The following SUV39H2 variants were observed in gnomAD, a reference collection of about 807,000 sequenced individuals.
SUV39H2 encodes histone-lysine N-methyltransferase SUV39H2.
In SUV39H2, 10 loss-of-function variants were observed where a neutral mutation model predicts 47.5. That is an observed-to-expected ratio of 0.21 (90% CI 0.13 to 0.36). The LOEUF is 0.36. Among genes scored for constraint, SUV39H2 ranks in the 10% least tolerant of loss-of-function variants. The pLI, the probability that SUV39H2 is intolerant of heterozygous loss-of-function variation, is 1.00. For missense variants in SUV39H2, 266 were observed against 487.4 expected (o/e 0.55, Z 4.28); for synonymous variants, 159 against 166.8 (o/e 0.95, Z 0.36).
rs1470231167 is a variant in SUV39H2, at chr10:14,901,158, A to T, written c.1022A>T (p.Asn341Ile). Residue 341 changes from asparagine to isoleucine, a missense_variant, in exon 5 of 6, where the codon AAT becomes ATT. Asn to Ile is a moderately radical substitution (Grantham distance 149). Transcript: ENST00000354919. Reference protein sequence around the residue: ...HSCDPNLQVFNVFIDNLDTRL... With the variant: ...HSCDPNLQVFIVFIDNLDTRL... The stretch of plus-strand genomic sequence containing the variant: ...TGTGACCCAAATCTTCAGGTGTTCA[A>T]TGTTTTCATTGATAACCTCGATACT... 1 of 1,613,830 alleles carries T rather than the reference A, an allele frequency of 6.2e-7. No homozygotes were observed. The highest frequency in any genetic ancestry group is 1.3e-5 in the African/African-American group (1 of 74,914).
chr10:14,902,295 A>AC (rs1815416077), intron 5 of SUV39H2, 111 bp from the exon 6 acceptor site: 11 of 595,854 alleles, frequency 1.8e-5, no homozygotes, highest in East Asian at 1.5e-4. Flanking sequence ...GGTCTTGACC[A>AC]TGTAAGTACC....
intron 2 of SUV39H2, among the ~76,000 whole-genome samples, chr10:14,883,335 C>T (rs1232936850): frequency 1.3e-5 from 2 of 152,156 alleles, no homozygotes; most frequent in Admixed American, 1.3e-4. Flanking sequence ...CTGCATGTCC[C>T]ATTAATTTTT....
At chr10:14,892,711 T>C (rs1188275262) in intron 2 of SUV39H2, among the ~76,000 whole-genome samples, 2 of 152,184 alleles carry the variant, frequency 1.3e-5, no homozygotes, top group African/African-American at 4.8e-5. Flanking sequence ...AGGCTAGTAA[T>C]ATATTTCCCT....
In SUV39H2 at chr10:14,901,088, G is replaced by A. The variant is rs979665283; in HGVS notation, c.997-45G>A. On this transcript the variant is annotated intron_variant, in intron 4 of 5. Coordinates refer to ENST00000354919, the MANE Select transcript of SUV39H2 (RefSeq NM_001193424.2). ...TTTTATATGGCATGTAGAAGGGCTT[G>A]TTTACACCGTTTGTACTTAAATGGG... 9.3e-6 allele frequency: 15 copies of A among 1,605,784 alleles called. No individual in the cohort carries two copies. The African/African-American group carries it at 1.2e-4, about 13-fold the overall frequency.
chr10:14,882,896 T>A (rs1323170271), intron 2 of SUV39H2, among the ~76,000 whole-genome samples: 1 of 149,954 alleles, frequency 6.7e-6, no homozygotes, highest in Non-Finnish European at 1.5e-5. Context: ...GCCCAGAGTC[T>A]CGCTCTTGTC....
intron 2 of SUV39H2, among the ~76,000 whole-genome samples, chr10:14,893,388 G>A (rs946005731): frequency 6.6e-6 from 1 of 152,054 alleles, no homozygotes; most frequent in African/African-American, 2.4e-5. Context: ...CGCCTTGGCC[G>A]GGAAGTGGCT....
intron 2 of SUV39H2, among the ~76,000 whole-genome samples, chr10:14,889,890 C>T (rs910549464): frequency 1.3e-5 from 2 of 152,086 alleles, no homozygotes; most frequent in African/African-American, 2.4e-5. Context: ...CTACATCACC[C>T]CTTCATACAG....
intron 3 of SUV39H2, 132 bp from the exon 4 acceptor site, chr10:14,899,407 A>G (rs1328215825): frequency 1.1e-6 from 1 of 927,778 alleles, no homozygotes; most frequent in Non-Finnish European, 1.6e-6. Context: ...GTTTGTGTGA[A>G]TGTTTGCTTT....
intron 2 of SUV39H2, among the ~76,000 whole-genome samples, chr10:14,886,561 G>T (rs2131677430): frequency 6.6e-6 from 1 of 152,168 alleles, no homozygotes; most frequent in East Asian, 1.9e-4. Context: ...ATGTTTCTAG[G>T]GCCTACATTC....
At chr10:14,893,667 T>C (rs1025859343) in intron 2 of SUV39H2, among the ~76,000 whole-genome samples, 2 of 152,222 alleles carry the variant, frequency 1.3e-5, no homozygotes, top group Non-Finnish European at 2.9e-5. Context: ...AAAAGTCAAG[T>C]CTACCAAGTT....
At chr10:14,902,323 A>C in intron 5 of SUV39H2, 83 bp from the exon 6 acceptor site, 2 of 903,202 alleles carry the variant, frequency 2.2e-6, no homozygotes, top group Non-Finnish European at 3.3e-6. Flanking sequence ...ACTGATAATA[A>C]AGCTAATATA....
Position 14,897,032 on chromosome 10 carries a change from G to A in SUV39H2, c.364G>A (p.Ala122Thr). 6.2e-7 allele frequency: 1 copy of A among 1,614,036 alleles called. No individual in the cohort carries two copies. Among genetic ancestry groups the A allele is most frequent in the Non-Finnish European group, 8.5e-7 (1 of 1,180,008 alleles). Residue 122 changes from alanine (A) to threonine (T), a missense_variant, in exon 3 of 6, where the codon GCC (alanine) becomes ACC (threonine). Around this residue, in one of 4 missense-constraint regions of SUV39H2, gnomAD observed 91 missense variants for 110.9 expected, o/e 0.82. Coordinates refer to ENST00000354919, the MANE Select transcript of SUV39H2 (RefSeq NM_001193424.2). ...AGACAATAACAAAACTTTGAAACCT[G>A]CCATTGCTGAGTACATTGTGAAGAA... ...PKDNNKTLKP[A>T]IAEYIVKKAK...
rs2131730720 is a variant in SUV39H2 at position 14,903,100 on chromosome 10, A to C, written c.*588A>C. On this transcript the variant is annotated 3_prime_UTR_variant, in exon 6 of 6. Transcript: ENST00000354919. ...AAATGTAAAAATTAATTTCAGCTTC[A>C]TTTCGTATTTCGAAGCAATCTAGAC... 6.6e-6 allele frequency: 1 copy of C among 152,372 alleles called. No individual in the cohort carries two copies. The highest frequency in any genetic ancestry group is 6.5e-5 in the Admixed American group (1 of 15,308). 9.4% of individuals were successfully genotyped at this position (152,372 alleles called of 1,614,324 possible). A position where few individuals can be genotyped will look rare whatever the true frequency, so the allele number is the denominator to read the frequency against.
intron 5 of SUV39H2, 51 bp from the exon 6 acceptor site, chr10:14,902,355 C>A: frequency 1.5e-6 from 2 of 1,294,632 alleles, no homozygotes; most frequent in South Asian, 1.4e-5. Context: ...GAAATTTATT[C>A]TAAATTGTCT....
At chr10:14,899,043 A>T in intron 3 of SUV39H2, 1 of 583,758 alleles carries the variant, frequency 1.7e-6, no homozygotes, top group South Asian at 2.2e-5. Context: ...TTAAAAAGTC[A>T]TAAATCAACC....
chr10:14,891,082 A>C (rs1476922740), intron 2 of SUV39H2, among the ~76,000 whole-genome samples: 1 of 152,242 alleles, frequency 6.6e-6, no homozygotes, highest in Non-Finnish European at 1.5e-5. Context: ...AATTGGAACA[A>C]AAAGGAGTTG....
At chr10:14,888,931 C>T (rs903910529) in intron 2 of SUV39H2, among the ~76,000 whole-genome samples, 1 of 152,226 alleles carries the variant, frequency 6.6e-6, no homozygotes, top group Admixed American at 6.5e-5. Flanking sequence ...TGGAGAAACC[C>T]TGTCTCTACT....
chr10:14,901,035 TTAAAC>T, intron 4 of SUV39H2, 93 bp from the exon 5 acceptor site: 1 of 1,484,538 alleles, frequency 6.7e-7, no homozygotes, highest in Non-Finnish European at 9.1e-7. Flanking sequence ...CCAGTGGAAC[TTAAAC>T]TAAATCTCTA....
intron 3 of SUV39H2, chr10:14,899,013 A>G (rs1833800517): frequency 5.4e-6 from 3 of 556,102 alleles, no homozygotes; most frequent in South Asian, 5.2e-5. Flanking sequence ...CAGTGTTCCA[A>G]TGTACTGCTC....
Sources: gnomAD v4.1 joint callset for allele counts (sites outside exome capture counted in the v4.1 genomes callset) on GRCh38, gnomAD v4.1.1 for gene constraint, gnomAD v4.1.1 regional missense constraint, MANE v1.5 for transcripts, NCBI Gene and HGNC (gene_info 2026-07-23, HGNC 2026-07-21) for gene names.